Variants in KALRN observed in about 807,000 individuals in gnomAD.
KALRN encodes the protein kalirin.
In KALRN, 70 loss-of-function variants were observed where a neutral mutation model predicts 353.7. The observed-to-expected ratio is 0.20, with a 90% CI of 0.16 to 0.24. KALRN has a LOEUF of 0.24. KALRN is among the 10% of genes least tolerant of loss of function. KALRN has a pLI of 1.00. For missense variants in KALRN, 2,791 were observed against 3,756.7 expected, an observed-to-expected ratio of 0.74 and a Z score of 6.72; for synonymous variants, 1,391 against 1,434.8, an observed-to-expected ratio of 0.97 and a Z score of 0.69.
At chr3:124,676,277 C>A (rs908664946) in intron 49 of KALRN, among the ~76,000 whole-genome samples, 1 of 152,048 alleles carries the variant, frequency 6.6e-6, no homozygotes. Context: ...TCTTGTCAGC[C>A]GCTCTTGCAA....
At chr3:124,590,654 A>G (rs1194094939) in intron 34 of KALRN, among the ~76,000 whole-genome samples, 1 of 152,114 alleles carries the variant, frequency 6.6e-6, no homozygotes, top group Non-Finnish European at 1.5e-5. Flanking sequence ...AAGGCCAAGA[A>G]GTGATTGCCC....
At chr3:124,697,802 T>C in intron 55 of KALRN, 78 bp downstream of exon 55, 2 of 1,327,434 alleles carry the variant, frequency 1.5e-6, no homozygotes, top group East Asian at 2.7e-5. Context: ...AAAACACACA[T>C]AATAAAATTT....
At chr3:124,190,350 G>A (rs2074769175) in intron 1 of KALRN, among the ~76,000 whole-genome samples, 1 of 152,088 alleles carries the variant, frequency 6.6e-6, no homozygotes, top group Non-Finnish European at 1.5e-5. Flanking sequence ...TTATCCTCAA[G>A]ACCCTACCTT....
intron 1 of KALRN, chr3:124,082,270 A>G (rs1158540315): frequency 2.1e-6 from 1 of 471,154 alleles, no homozygotes; most frequent in Non-Finnish European, 4.4e-6. Flanking sequence ...AGTATGGAAA[A>G]CATAACCTCA....
At chr3:124,346,709 C>T (rs1275985613) in intron 9 of KALRN, among the ~76,000 whole-genome samples, 1 of 152,126 alleles carries the variant, frequency 6.6e-6, no homozygotes, top group African/African-American at 2.4e-5. Flanking sequence ...GACTGGTCAC[C>T]ATTGCTGTTT....
intron 34 of KALRN, among the ~76,000 whole-genome samples, chr3:124,574,892 A>C (rs1358980458): frequency 6.6e-6 from 1 of 152,208 alleles, no homozygotes; most frequent in African/African-American, 2.4e-5. Flanking sequence ...CCACAGCTCT[A>C]GGAGCTCTCA....
intron 6 of KALRN, among the ~76,000 whole-genome samples, chr3:124,313,001 C>T (rs1030793758): frequency 5.3e-5 from 8 of 152,326 alleles, no homozygotes; most frequent in African/African-American, 1.9e-4. Flanking sequence ...ACTATTTGAG[C>T]ATCAAGGATG....
intron 1 of KALRN, among the ~76,000 whole-genome samples, chr3:124,061,691 G>C (rs1326859651): frequency 6.6e-6 from 1 of 152,144 alleles, no homozygotes; most frequent in East Asian, 1.9e-4. Flanking sequence ...TTTTCATCAG[G>C]CCATGACACT....
intron 34 of KALRN, among the ~76,000 whole-genome samples, chr3:124,631,701 C>G (rs113407141): frequency 0.013 from 1,914 of 152,254 alleles, 43 homozygotes; most frequent in African/African-American, 0.044. Context: ...ATATAGAAAC[C>G]AGAATGACCT....
At chr3:124,637,684 C>T (rs768763049) in intron 37 of KALRN, among the ~76,000 whole-genome samples, 10 of 152,212 alleles carry the variant, frequency 6.6e-5, no homozygotes, top group Non-Finnish European at 1.5e-4. Context: ...GGATATTTGA[C>T]AGCACTAGGA....
At chr3:124,609,737 A>G (rs2077723195) in intron 34 of KALRN, among the ~76,000 whole-genome samples, 1 of 152,220 alleles carries the variant, frequency 6.6e-6, no homozygotes, top group South Asian at 2.1e-4. Context: ...AATACTGTTC[A>G]CTGCCATTTA....
At chr3:124,167,832 A>G (rs1010944579) in intron 1 of KALRN, among the ~76,000 whole-genome samples, 1 of 152,206 alleles carries the variant, frequency 6.6e-6, no homozygotes, top group Non-Finnish European at 1.5e-5. Context: ...CATATTAGCT[A>G]CATTTCAAGT....
chr3:124,152,523 AC>A, intron 1 of KALRN: 1 of 728,898 alleles, frequency 1.4e-6, no homozygotes, highest in East Asian at 2.5e-5. Context: ...ATTCCTTGTT[AC>A]AGTGCTTTTC....
intron 34 of KALRN, among the ~76,000 whole-genome samples, chr3:124,581,382 G>A (rs1204323398): frequency 8.5e-6 from 1 of 118,066 alleles, no homozygotes; most frequent in Non-Finnish European, 1.7e-5. Flanking sequence ...GACAGAGTGA[G>A]ACTCTGCTCA....
intron 5 of KALRN, among the ~76,000 whole-genome samples, chr3:124,286,524 T>C (rs924728172): frequency 1.3e-5 from 2 of 152,174 alleles, no homozygotes; most frequent in African/African-American, 4.8e-5. Context: ...GTGCTGGGAT[T>C]ACAGGCATGA....
At chr3:124,241,951 GTTAAGT>G (rs2080506053) in intron 3 of KALRN, among the ~76,000 whole-genome samples, 1 of 152,214 alleles carries the variant, frequency 6.6e-6, no homozygotes, top group South Asian at 2.1e-4. Flanking sequence ...GGGGTGTCAG[GTTAAGT>G]TCCAGAAACT....
chr3:124,163,802 A>G (rs993477188), intron 1 of KALRN: 8 of 985,464 alleles, frequency 8.1e-6, no homozygotes, highest in African/African-American at 7.0e-5. Flanking sequence ...CCTGTATGTC[A>G]TCTTGCTCCT....
intron 33 of KALRN, among the ~76,000 whole-genome samples, chr3:124,521,250 C>T (rs6772994): frequency 0.55 from 83,012 of 152,108 alleles, 23,833 homozygotes; most frequent in African/African-American, 0.73. Flanking sequence ...TGCCTCCAAG[C>T]GCTGGGCATT....
intron 23 of KALRN, among the ~76,000 whole-genome samples, chr3:124,460,195 A>G (rs1380437920): frequency 6.6e-6 from 1 of 152,170 alleles, no homozygotes; most frequent in African/African-American, 2.4e-5. Flanking sequence ...CTGTTTCCAA[A>G]TAAGACCAAA....
Sources: allele counts gnomAD v4.1 joint callset (sites outside exome capture counted in the v4.1 genomes callset), GRCh38; gene constraint gnomAD v4.1.1; transcripts MANE v1.5; gene names NCBI Gene and HGNC (gene_info 2026-07-23, HGNC 2026-07-21).